Variants in IGSF10 observed in about 807,000 individuals in gnomAD.
IGSF10 encodes calvaria mechanical force protein 608.
IGSF10 carries 126 observed loss-of-function variants against 128.2 expected under a neutral mutation model. That is an observed-to-expected ratio of 0.98 (90% confidence interval 0.85 to 1.14). IGSF10 has a LOEUF of 1.14. IGSF10 is among the 50% of genes most tolerant of loss of function. The pLI, the probability that IGSF10 is intolerant of heterozygous loss-of-function variation, is 0.00. For synonymous variants in IGSF10, 1,185 were observed against 1,146.2 expected (o/e 1.03, Z -0.68); for missense variants, 3,295 against 3,149.8 (o/e 1.05, Z -1.10).
At chr3:151,454,395 T>C (rs1328990244) in intron 4 of IGSF10, among the ~76,000 whole-genome samples, 1 of 152,200 alleles carries the variant, frequency 6.6e-6, no homozygotes, top group Non-Finnish European at 1.5e-5. Flanking sequence ...TTGAGATATA[T>C]AGAAGTACTT....
intron 5 of IGSF10, among the ~76,000 whole-genome samples, chr3:151,453,028 G>C (rs1721585085): frequency 6.6e-6 from 1 of 152,076 alleles, no homozygotes; most frequent in Non-Finnish European, 1.5e-5. Context: ...GCAGGGCTGA[G>C]GGTTGGAGAG....
At chr3:151,540,228 CAT>C in the IGSF10 span, among the ~76,000 whole-genome samples, 1 of 152,132 alleles carries the variant, frequency 6.6e-6, no homozygotes, top group Non-Finnish European at 1.5e-5. Flanking sequence ...AAAAATTGAA[CAT>C]GTGTAGCCAA....
the IGSF10 span, among the ~76,000 whole-genome samples, chr3:151,617,182 GCCTCCTCCTCCTTCTTTCCT>G: frequency 1.8e-4 from 16 of 89,726 alleles, no homozygotes; most frequent in African/African-American, 8.1e-4. Flanking sequence ...CTCCTCCTCT[GCCTCCTCCTCCTTCTTTCCT>G]CCTCCTCCTC....
the IGSF10 span, among the ~76,000 whole-genome samples, chr3:151,594,622 C>CTTT: frequency 4.4e-5 from 6 of 135,496 alleles, no homozygotes; most frequent in East Asian, 2.1e-4. Flanking sequence ...GCGCCCGGCC[C>CTTT]TTTTTTTTTT....
rs1367318266 is a variant in IGSF10, at chr3:151,446,614, T to G, written c.3367A>C (p.Thr1123Pro). The change falls in exon 6 of 8, where the codon ACA becomes CCA. Residue 1123 changes from threonine (T) to proline (P), a missense_variant. Physicochemically the swap from Thr to Pro is conservative, Grantham distance 38 (BLOSUM62 -1). Transcript: ENST00000282466. ...GTCCTGAAATATTTTATTGTGGGTG[T>G]TGTTTTCTCTACACTGGGTTTGTTC... ...LENKPSVEKT[T>P]PTIKYFRTEI... 1 of 1,614,004 alleles carries G rather than the reference T, an allele frequency of 6.2e-7. No individual in the cohort carries two copies. Among genetic ancestry groups the G allele is most frequent in the Non-Finnish European group, 8.5e-7 (1 of 1,180,026 alleles).
chr3:151,592,962 T>C, the IGSF10 span, among the ~76,000 whole-genome samples: 1 of 152,172 alleles, frequency 6.6e-6, no homozygotes, highest in Non-Finnish European at 1.5e-5. Context: ...TAAATACATT[T>C]CTCAGATATA....
chr3:151,597,678 A>G, the IGSF10 span, among the ~76,000 whole-genome samples: 8 of 152,304 alleles, frequency 5.3e-5, no homozygotes, highest in East Asian at 1.2e-3. Flanking sequence ...GCACTTTGGG[A>G]GGCTGAGGCG....
upstream of IGSF10, among the ~76,000 whole-genome samples, chr3:151,463,523 G>GGTTTTTTTTTTTGT (rs1553837068): frequency 9.6e-5 from 3 of 31,272 alleles, no homozygotes; most frequent in African/African-American, 3.7e-4. Flanking sequence ...ACATTTTCTG[G>GGTTTTTTTTTTTGT]TTTTTTTTTT....
At chr3:151,484,418 G>A in the IGSF10 span, among the ~76,000 whole-genome samples, 3 of 152,188 alleles carry the variant, frequency 2.0e-5, no homozygotes, top group East Asian at 5.8e-4. Flanking sequence ...TCTGAGAGCA[G>A]CGGATCTCTC....
the IGSF10 span, among the ~76,000 whole-genome samples, chr3:151,481,208 C>T: frequency 2.0e-5 from 3 of 152,118 alleles, no homozygotes; most frequent in Non-Finnish European, 4.4e-5. Context: ...TTGCATGAGC[C>T]GTGTGACCTC....
chr3:151,442,045 T>A (rs554401532), intron 7 of IGSF10, among the ~76,000 whole-genome samples: 34 of 152,260 alleles, frequency 2.2e-4, no homozygotes, highest in South Asian at 1.5e-3. Context: ...TGGGCGACAG[T>A]GCGAGACTCC....
chr3:151,507,369 C>T, the IGSF10 span, among the ~76,000 whole-genome samples: 1 of 152,004 alleles, frequency 6.6e-6, no homozygotes, highest in Admixed American at 6.6e-5. Context: ...AAATTCTTTC[C>T]AGTAATTTAA....
chr3:151,535,213 T>C, the IGSF10 span, among the ~76,000 whole-genome samples: 2 of 152,198 alleles, frequency 1.3e-5, no homozygotes, highest in African/African-American at 2.4e-5. Flanking sequence ...GGTATTATAA[T>C]GTGGGCCACC....
the IGSF10 span, among the ~76,000 whole-genome samples, chr3:151,475,528 A>C: frequency 6.6e-6 from 1 of 152,238 alleles, no homozygotes; most frequent in Non-Finnish European, 1.5e-5. Flanking sequence ...CTATCCTAGC[A>C]GTTATACTTC....
At chr3:151,464,577 C>G (rs115139442), upstream of IGSF10, among the ~76,000 whole-genome samples, 1,143 of 152,296 alleles carry the variant, frequency 7.5e-3, 18 homozygotes, top group African/African-American at 0.027. Flanking sequence ...TCAGAACAAG[C>G]TATGAATTTT....
Position 151,453,433 on chromosome 3 carries a change from G to A in IGSF10, c.666C>T (p.Thr222=). The A allele has an allele frequency of 6.2e-7, 1 of 1,611,810 alleles. No homozygotes were observed. The highest frequency in any genetic ancestry group is 8.5e-7 in the Non-Finnish European group (1 of 1,179,492). ...DSLYLHGNPW[T]CDCHLKWLSD... is the part of the protein sequence containing the mutation. The stretch of plus-strand genomic sequence containing the variant: ...ACAACCACTTTAAATGGCAATCACA[G>A]GTCCATGGGTTTCCATGCAGGTAAA... Residue 222 remains threonine (T), a synonymous_variant, in exon 5 of 8, where the codon ACC becomes ACT. Coordinates refer to ENST00000282466, the MANE Select transcript of IGSF10 (RefSeq NM_178822.5).
the IGSF10 span, among the ~76,000 whole-genome samples, chr3:151,613,613 G>A: frequency 6.6e-6 from 1 of 151,874 alleles, no homozygotes; most frequent in Non-Finnish European, 1.5e-5. Flanking sequence ...GGGAAAACTG[G>A]CTAGCCATAT....
chr3:151,574,060 C>A, the IGSF10 span, among the ~76,000 whole-genome samples: 8 of 152,312 alleles, frequency 5.3e-5, no homozygotes, highest in Admixed American at 5.2e-4. Context: ...TCTCTTCTGG[C>A]GTGTAGAGTT....
At chr3:151,488,376 C>T in the IGSF10 span, among the ~76,000 whole-genome samples, 39 of 152,190 alleles carry the variant, frequency 2.6e-4, no homozygotes, top group African/African-American at 7.2e-4. Context: ...GAATCAATAT[C>T]GTGAAAATGG....
Sources: gnomAD v4.1 joint callset for allele counts (sites outside exome capture counted in the v4.1 genomes callset) on GRCh38, gnomAD v4.1.1 for gene constraint, MANE v1.5 for transcripts, NCBI Gene and HGNC (gene_info 2026-07-23, HGNC 2026-07-21) for gene names.